CLYBL: variants seen among roughly 807,000 people sequenced by gnomAD.
CLYBL encodes the protein citramalyl-CoA lyase, mitochondrial.
Under a neutral mutation model 38.9 loss-of-function variants are expected in CLYBL, and 31 were observed. That is an observed-to-expected ratio of 0.80 (90% CI 0.60 to 1.08). The LOEUF (loss-of-function observed/expected upper bound fraction) is 1.08. Ranked by LOEUF, CLYBL falls within the 50% of genes least tolerant of loss-of-function variation. The pLI is 0.00. For missense variants in CLYBL, 434 were observed against 411.6 expected, an observed-to-expected ratio of 1.05 and a Z score of -0.47; for synonymous variants, 171 against 158.6, an observed-to-expected ratio of 1.08 and a Z score of -0.59.
intron 2 of CLYBL, among the ~76,000 whole-genome samples, chr13:99,816,157 T>G (rs1047700689): frequency 5.3e-5 from 8 of 152,264 alleles, no homozygotes; most frequent in African/African-American, 1.7e-4. Context: ...TTGTCCAGTC[T>G]AAGCTCTGGC....
At chr13:99,633,450 G>A (rs1358621608) in intron 1 of CLYBL, among the ~76,000 whole-genome samples, 1 of 149,088 alleles carries the variant, frequency 6.7e-6, no homozygotes, top group Non-Finnish European at 1.5e-5. Flanking sequence ...CACAAAAATC[G>A]CTTGAGCCTG....
intron 1 of CLYBL, among the ~76,000 whole-genome samples, chr13:99,653,935 C>G (rs2047291223): frequency 6.6e-6 from 1 of 152,180 alleles, no homozygotes. Context: ...ATGACTTTAT[C>G]AAGGATAATT....
At chr13:99,609,453 G>A (rs1015235269) in intron 1 of CLYBL, among the ~76,000 whole-genome samples, 3 of 152,126 alleles carry the variant, frequency 2.0e-5, no homozygotes, top group Non-Finnish European at 4.4e-5. Flanking sequence ...GGGATTACAG[G>A]TGTGAGCCAC....
At chr13:99,908,453 A>G (rs1180519789) in exon 10 of CLYBL, among the ~76,000 whole-genome samples, 2 of 152,228 alleles carry the variant, frequency 1.3e-5, no homozygotes. Context: ...TAACAAAAGG[A>G]ATGAAGCAGC....
At chr13:99,852,174 G>C (rs1447280670) in intron 2 of CLYBL, among the ~76,000 whole-genome samples, 2 of 152,188 alleles carry the variant, frequency 1.3e-5, no homozygotes. Flanking sequence ...CCTAGGTCTG[G>C]AGGGTTGGGG....
At chr13:99,758,964 G>A (rs4772239) in intron 1 of CLYBL, among the ~76,000 whole-genome samples, 82,891 of 151,988 alleles carry the variant, frequency 0.55, 23,964 homozygotes, top group Middle Eastern at 0.67. Context: ...GCTGTGCAGG[G>A]TGTGCCCTAG....
At chr13:99,888,773 T>C (rs554402271) in intron 7 of CLYBL, among the ~76,000 whole-genome samples, 11 of 152,128 alleles carry the variant, frequency 7.2e-5, no homozygotes, top group South Asian at 2.1e-4. Context: ...AAATATAAAA[T>C]ATAATCATTA....
chr13:99,878,007 T>C (rs2052095308), intron 7 of CLYBL, among the ~76,000 whole-genome samples: 1 of 152,148 alleles, frequency 6.6e-6, no homozygotes, highest in East Asian at 1.9e-4. Flanking sequence ...ACCACTACCT[T>C]AGGGAATAAA....
chr13:99,824,043 TA>T (rs2050639488), intron 2 of CLYBL, among the ~76,000 whole-genome samples: 1 of 152,174 alleles, frequency 6.6e-6, no homozygotes, highest in South Asian at 2.1e-4. Flanking sequence ...AATAATTTTG[TA>T]AAAAAAGATT....
intron 1 of CLYBL, among the ~76,000 whole-genome samples, chr13:99,704,590 G>T (rs1303740268): frequency 6.6e-6 from 1 of 152,180 alleles, no homozygotes; most frequent in East Asian, 1.9e-4. Flanking sequence ...CCTGTGAACA[G>T]GGAAACCGGC....
chr13:99,832,999 C>CATATATATATATATATATATAT lies in CLYBL; in HGVS notation c.250-25859_250-25858insTATATATATATATATATATATA, dbSNP rs1489506843. 4.7e-4 allele frequency among the ~76,000 whole-genome samples: 25 copies of CATATATATATATATATATATAT among 53,702 alleles called. 3 individuals are homozygous for CATATATATATATATATATATAT. The highest frequency in any genetic ancestry group is 2.3e-3 in the East Asian group (3 of 1,284). 35.2% of individuals were successfully genotyped at this position (53,702 alleles called of 152,430 possible). Reference sequence around the variant, plus strand: ...CATTTCATTAAGTAGTATATACATACATACATACATATATATATATATATA... The same window carrying CATATATATATATATATATATAT: ...CATTTCATTAAGTAGTATATACATACATATATATATATATATATATATATACATACATATATATATATATATA... On this transcript the variant is annotated intron_variant, in intron 2 of 8. Coordinates refer to ENST00000339105, the MANE Select transcript of CLYBL (RefSeq NM_206808.5).
At chr13:99,619,032 T>A (rs1489040517) in intron 1 of CLYBL, among the ~76,000 whole-genome samples, 3 of 152,210 alleles carry the variant, frequency 2.0e-5, no homozygotes, top group Non-Finnish European at 4.4e-5. Context: ...AAATGTGATG[T>A]TTAAGTTTAA....
At chr13:99,835,947 G>A (rs1044018039) in intron 2 of CLYBL, among the ~76,000 whole-genome samples, 1 of 152,250 alleles carries the variant, frequency 6.6e-6, no homozygotes, top group Non-Finnish European at 1.5e-5. Flanking sequence ...GGACTTGGAA[G>A]ACAGGGGAAG....
intron 1 of CLYBL, among the ~76,000 whole-genome samples, chr13:99,665,042 AT>A (rs547761416): frequency 5.1e-4 from 77 of 151,604 alleles, no homozygotes; most frequent in African/African-American, 7.2e-4. Flanking sequence ...TTAAAATATG[AT>A]TTTTTTTCTT....
chr13:99,610,687 C>G (rs1382901812), intron 1 of CLYBL, among the ~76,000 whole-genome samples: 3 of 152,332 alleles, frequency 2.0e-5, no homozygotes, highest in Middle Eastern at 3.4e-3. Flanking sequence ...TGAAGGTTAG[C>G]TAGACATGAG....
chr13:99,631,894 C>T (rs928548646), intron 1 of CLYBL, among the ~76,000 whole-genome samples: 2 of 152,214 alleles, frequency 1.3e-5, no homozygotes, highest in African/African-American at 4.8e-5. Flanking sequence ...AGCCACCGCA[C>T]CTGGCCACAC....
chr13:99,692,475 G>T (rs192475551), intron 1 of CLYBL, among the ~76,000 whole-genome samples: 255 of 151,980 alleles, frequency 1.7e-3, no homozygotes, highest in African/African-American at 5.8e-3. Context: ...TGAACTTTTA[G>T]TAGAGACGGG....
At chr13:99,646,771 A>T (rs1213447540) in intron 1 of CLYBL, among the ~76,000 whole-genome samples, 1 of 145,700 alleles carries the variant, frequency 6.9e-6, no homozygotes, top group East Asian at 2.0e-4. Context: ...TGATCCACCC[A>T]CCTTGGCCTC....
chr13:99,824,277 G>A (rs969231498), intron 2 of CLYBL, among the ~76,000 whole-genome samples: 1 of 18,968 alleles, frequency 5.3e-5, no homozygotes, highest in African/African-American at 2.1e-4. Flanking sequence ...CCCACCCCCA[G>A]CTAATCCTTT....
Sources: allele counts gnomAD v4.1 joint callset (sites outside exome capture counted in the v4.1 genomes callset), GRCh38; gene constraint gnomAD v4.1.1; transcripts MANE v1.5; gene names NCBI Gene and HGNC (gene_info 2026-07-23, HGNC 2026-07-21).